The following ELFN2 variants were observed in gnomAD, a reference collection of about 807,000 sequenced individuals.
ELFN2 encodes the protein protein phosphatase 1 regulatory subunit 29.
ELFN2 carries 17 observed loss-of-function variants against 45.5 expected under a neutral mutation model. That is an observed-to-expected ratio of 0.37 (90% CI 0.26 to 0.56). The LOEUF (loss-of-function observed/expected upper bound fraction) is 0.56. Among genes scored for constraint, ELFN2 ranks in the 20% least tolerant of loss-of-function variants. ELFN2 has a pLI of 0.77. For missense variants in ELFN2, 922 were observed against 1,183.2 expected, an observed-to-expected ratio of 0.78 and a Z score of 3.24; for synonymous variants, 550 against 551.5, an observed-to-expected ratio of 1.00 and a Z score of 0.04.
chr22:37,387,524 C>T (rs923470383), intron 2 of ELFN2, among the ~76,000 whole-genome samples: 9 of 152,130 alleles, frequency 5.9e-5, no homozygotes, highest in Admixed American at 5.9e-4. Flanking sequence ...AAGCTTCTGC[C>T]TTCAGGTGAA....
intron 2 of ELFN2, among the ~76,000 whole-genome samples, chr22:37,394,801 G>A (rs535888558): frequency 6.6e-5 from 10 of 152,098 alleles, no homozygotes; most frequent in African/African-American, 2.2e-4. Flanking sequence ...GACCTTACAG[G>A]GTGTCAAGAT....
chr22:37,347,416 C>A (rs1930723855), intron 1 of ELFN2, among the ~76,000 whole-genome samples: 1 of 152,182 alleles, frequency 6.6e-6, no homozygotes, highest in African/African-American at 2.4e-5. Context: ...GATTACCTGG[C>A]TGGACAATAA....
chr22:37,404,755 A>C (rs1040598596), intron 2 of ELFN2, among the ~76,000 whole-genome samples: 33 of 152,132 alleles, frequency 2.2e-4, no homozygotes, highest in African/African-American at 8.0e-4. Flanking sequence ...CTGGGAGTGG[A>C]TGCTGGTGCT....
chr22:37,406,813 G>A (rs917322611), intron 2 of ELFN2, among the ~76,000 whole-genome samples: 1 of 152,260 alleles, frequency 6.6e-6, no homozygotes, highest in Admixed American at 6.5e-5. Flanking sequence ...CAGGGGGACA[G>A]GGAGGCTTGG....
chr22:37,388,572 T>C (rs555253355), intron 2 of ELFN2, among the ~76,000 whole-genome samples: 1 of 152,334 alleles, frequency 6.6e-6, no homozygotes, highest in Non-Finnish European at 1.5e-5. Context: ...GGTCTGTGAC[T>C]CCAGTGCTCT....
chr22:37,378,754 G>A (rs1342255663), intron 2 of ELFN2, among the ~76,000 whole-genome samples: 1 of 152,250 alleles, frequency 6.6e-6, no homozygotes, highest in Non-Finnish European at 1.5e-5. Context: ...TCAGCTGCCC[G>A]GTCCCCATCC....
chr22:37,346,071 T>G (rs1433107731), intron 1 of ELFN2, among the ~76,000 whole-genome samples: 1 of 152,198 alleles, frequency 6.6e-6, no homozygotes, highest in Non-Finnish European at 1.5e-5. Context: ...TTCTTCGTCA[T>G]TAGGACGGGA....
rs143101195 is a variant in ELFN2 at position 37,375,328 on chromosome 22, G to T, written c.207C>A (p.Ala69=). 1.3e-4 allele frequency: 212 copies of T among 1,614,148 alleles called. No homozygotes were observed. The African/African-American group carries it at 1.8e-3, about 14-fold the overall frequency. ...AGCGGTTGAGCGAGGAGTAGAGCACGGCTTTGAGCTTGTTCTCGTTGAGCC... is the reference window on the plus strand; with the variant it reads ...AGCGGTTGAGCGAGGAGTAGAGCACTGCTTTGAGCTTGTTCTCGTTGAGCC... ...DLRLNENKLK[A]VLYSSLNRFG... is the part of the protein sequence containing the mutation. Residue 69 remains alanine (A), a synonymous_variant, in exon 3 of 3, where the codon GCC becomes GCA. Transcript: ENST00000402918.
chr22:37,380,132 G>C (rs928209819), intron 2 of ELFN2, among the ~76,000 whole-genome samples: 4 of 152,222 alleles, frequency 2.6e-5, no homozygotes, highest in South Asian at 4.1e-4. Context: ...TGTCAGGGGA[G>C]CGTCTGGACC....
At chr22:37,418,594 C>T (rs1441261794) in intron 1 of ELFN2, among the ~76,000 whole-genome samples, 5 of 151,948 alleles carry the variant, frequency 3.3e-5, no homozygotes, top group African/African-American at 1.2e-4. Context: ...CCCTGACCCC[C>T]AGTGCCCCCA....
chr22:37,389,109 A>G (rs1262447530), intron 2 of ELFN2, among the ~76,000 whole-genome samples: 2 of 152,136 alleles, frequency 1.3e-5, no homozygotes, highest in Non-Finnish European at 2.9e-5. Context: ...TAATGTACAC[A>G]GTGCCTGGCA....
At chr22:37,365,904 C>CTGAGCA (rs534070550), downstream of ELFN2, among the ~76,000 whole-genome samples, 20 of 55,310 alleles carry the variant, frequency 3.6e-4, no homozygotes, top group South Asian at 0.016. Context: ...GTCACGATAT[C>CTGAGCA]TGAGCACGTG....
At chr22:37,387,362 G>A (rs929238675) in intron 2 of ELFN2, among the ~76,000 whole-genome samples, 1 of 152,188 alleles carries the variant, frequency 6.6e-6, no homozygotes, top group African/African-American at 2.4e-5. Context: ...AGATCCTGGT[G>A]TATGGTAATT....
At chr22:37,401,522 A>G (rs111741796) in intron 2 of ELFN2, among the ~76,000 whole-genome samples, 3,061 of 152,332 alleles carry the variant, frequency 0.02, 121 homozygotes, top group African/African-American at 0.071. Context: ...CTCCACTCCC[A>G]GCAGGGAGGG....
intron 2 of ELFN2, among the ~76,000 whole-genome samples, chr22:37,399,503 G>A (rs1010861035): frequency 1.3e-4 from 19 of 147,540 alleles, no homozygotes; most frequent in South Asian, 1.1e-3. Flanking sequence ...CACCTCCACC[G>A]ACCACGGGGA....
intron 2 of ELFN2, among the ~76,000 whole-genome samples, chr22:37,397,243 C>T (rs564227764): frequency 1.4e-4 from 22 of 152,312 alleles, no homozygotes; most frequent in African/African-American, 4.6e-4. Flanking sequence ...GGAAGCACGG[C>T]GTGCCCCTCT....
intron 2 of ELFN2, among the ~76,000 whole-genome samples, chr22:37,413,667 C>CCTAGAAGCCACTGG (rs1932709360): frequency 6.6e-6 from 1 of 152,138 alleles, no homozygotes; most frequent in Non-Finnish European, 1.5e-5. Context: ...CCCACTGCCT[C>CCTAGAAGCCACTGG]CTAGAAGCCA....
rs1931571420 is a variant in ELFN2, at chr22:37,375,916, C to T, written c.-382G>A. On this transcript the variant is annotated 5_prime_UTR_variant, in exon 3 of 3. It adds an upstream start codon to the 5' untranslated region. Transcript: ENST00000402918. ...GGCTCAGAACTTCAGATGATTCCCA[C>T]AGGAGGCTGGAGAGTGCCGCACTGA... 1 of 314,684 alleles carries T rather than the reference C, an allele frequency of 3.2e-6. No homozygotes were observed. Among genetic ancestry groups the T allele is most frequent in the Non-Finnish European group, 6.3e-6 (1 of 159,884 alleles). 19.5% of individuals were successfully genotyped at this position (314,684 alleles called of 1,614,324 possible).
chr22:37,375,100 G>C lies in ELFN2; in HGVS notation c.435C>G (p.Thr145=). 1 of 1,613,692 alleles carries C rather than the reference G, an allele frequency of 6.2e-7. No individual in the cohort carries two copies. Among genetic ancestry groups the C allele is most frequent in the African/African-American group, 1.3e-5 (1 of 75,020 alleles). Residue 145 remains threonine (T), a synonymous_variant, in exon 3 of 3, where the codon ACC becomes ACG. Coordinates refer to ENST00000402918, the MANE Select transcript of ELFN2 (RefSeq NM_052906.5). Reference sequence around the variant, plus strand: ...TGAGGCTCGGGCACTCGGAGAAGGCGGTGGGCGTCACCACCTCGATGAGGT... The same window carrying C: ...TGAGGCTCGGGCACTCGGAGAAGGCCGTGGGCGTCACCACCTCGATGAGGT... ...QHNLIEVVTP[T]AFSECPSLIS...
Sources: gnomAD v4.1 joint callset for allele counts (sites outside exome capture counted in the v4.1 genomes callset) on GRCh38, gnomAD v4.1.1 for gene constraint, MANE v1.5 for transcripts, NCBI Gene and HGNC (gene_info 2026-07-23, HGNC 2026-07-21) for gene names.